Variants in ATXN7L1 observed in about 807,000 individuals in gnomAD.
The protein encoded by ATXN7L1 is ataxin 7 like 1.
Under a neutral mutation model 70.8 loss-of-function variants are expected in ATXN7L1, and 15 were observed. The ratio of observed to expected loss-of-function variants is 0.21; its 90% CI spans 0.14 to 0.33. ATXN7L1 has a LOEUF of 0.33. Ranked by LOEUF, ATXN7L1 falls within the 10% of genes least tolerant of loss-of-function variation. ATXN7L1 has a pLI of 1.00. For synonymous variants in ATXN7L1, 440 were observed against 445.1 expected, an observed-to-expected ratio of 0.99 and a Z score of 0.14; for missense variants, 975 against 1,097.1, an observed-to-expected ratio of 0.89 and a Z score of 1.57.
chr7:105,614,216 C>T lies in ATXN7L1; in HGVS notation c.2118G>A (p.Gly706=), dbSNP rs372626402. The change falls in exon 10 of 12, where the codon GGG becomes GGA. Residue 706 remains glycine, a synonymous_variant. Transcript: ENST00000419735. The surrounding 1 kb of genome is among the most constrained non-coding windows in gnomAD (Gnocchi z 4.3). ...CCAGTTTGGCACTGAGTGGGCTCAC[C>T]CCATTGTTTGAGTTGTGCACAGACA... ...NSLSVHNSNN[G]VSPLSAKLEP... The T allele has an allele frequency of 1.5e-5, 23 of 1,551,562 alleles. No individual in the cohort carries two copies. The highest frequency in any genetic ancestry group is 1.7e-4 in the Middle Eastern group (1 of 6,014).
intron 3 of ATXN7L1, among the ~76,000 whole-genome samples, chr7:105,669,334 G>C (rs943979746): frequency 2.0e-5 from 3 of 152,116 alleles, no homozygotes; most frequent in African/African-American, 7.2e-5. Flanking sequence ...CGCCTGCTGG[G>C]ATTACAGGTG....
Position 105,667,589 on chromosome 7 carries a change from C to T in ATXN7L1, c.356-2301G>A, listed in dbSNP as rs1802840845. 1.5e-5 allele frequency among the ~76,000 whole-genome samples: 2 copies of T among 130,190 alleles called. 1 individual carries two copies. Among genetic ancestry groups the T allele is most frequent in the Non-Finnish European group, 3.3e-5 (2 of 61,078 alleles). The allele number at this position is 130,190 out of a possible 152,430, so 85.4% of individuals were successfully genotyped here. A position where few individuals can be genotyped will look rare whatever the true frequency, so the allele number is the denominator to read the frequency against. On this transcript the variant is annotated intron_variant, in intron 3 of 11. Coordinates refer to ENST00000419735, the MANE Select transcript of ATXN7L1 (RefSeq NM_020725.2). ...TGGCGGGCGCCTGTAGTCCCAGCTA[C>T]TTGGGAGGCTGAGGCGGGAGAATGG... is the stretch of plus-strand genomic sequence containing the variant.
At position 105,614,316 on chromosome 7, in the gene ATXN7L1, G is replaced by A; in HGVS notation, c.2018C>T (p.Pro673Leu). The A allele has an allele frequency of 6.4e-7, 1 of 1,552,298 alleles. No homozygotes were observed. Residue 673 changes from proline to leucine, a missense_variant, in exon 10 of 12, where the codon CCT becomes CTT. By Grantham distance (98) the Pro-to-Leu change is moderately conservative (BLOSUM62 -3). Transcript: ENST00000419735. This position sits in a 1 kb window ranked among gnomAD's most constrained non-coding sequence, Gnocchi z 4.3. ...ATTCAAAACACAGTTCTTTTTGTGA[G>A]GCCCTGACAGTGGAGACGAGAGGGA... ...QTSLSSPLSGPHKKNCVLNAS... is the reference protein window; with the variant it reads ...QTSLSSPLSGLHKKNCVLNAS...
rs1630015 is a variant in ATXN7L1, at chr7:105,641,097, C to T, written c.863-1528G>A. 9.7e-3 allele frequency among the ~76,000 whole-genome samples: 1,468 copies of T among 151,956 alleles called. 18 individuals carry two copies. Among genetic ancestry groups the T allele is most frequent in the African/African-American group, 0.033 (1,380 of 41,422 alleles). ...TCATGGGGAGGTTGCAATGGTGTTA[C>T]TGATGATATGCACAAGAAAACTACT... On this transcript the variant is annotated intron_variant, in intron 5 of 11. Transcript: ENST00000419735.
chr7:105,747,498 G>A (rs1239536046), intron 3 of ATXN7L1, among the ~76,000 whole-genome samples: 2 of 152,218 alleles, frequency 1.3e-5, no homozygotes, highest in East Asian at 3.9e-4. Context: ...CAGTTTATTC[G>A]TATCCTTTAA....
intron 2 of ATXN7L1, among the ~76,000 whole-genome samples, chr7:105,863,176 C>T (rs376193878): frequency 8.5e-5 from 13 of 152,310 alleles, no homozygotes; most frequent in Non-Finnish European, 1.0e-4. Flanking sequence ...TCTAGATAGA[C>T]GCCCCTGGAG....
intron 3 of ATXN7L1, among the ~76,000 whole-genome samples, chr7:105,714,048 A>C (rs1283354507): frequency 6.6e-6 from 1 of 152,258 alleles, no homozygotes; most frequent in East Asian, 1.9e-4. Context: ...AGAACTATCC[A>C]TTTGAAATAC....
At chr7:105,834,478 G>C (rs1445306088) in intron 2 of ATXN7L1, among the ~76,000 whole-genome samples, 4 of 152,202 alleles carry the variant, frequency 2.6e-5, no homozygotes, top group Non-Finnish European at 5.9e-5. Flanking sequence ...ATCAACAACA[G>C]AGTAATGAAA....
At chr7:105,716,896 A>G (rs1004474653) in intron 3 of ATXN7L1, among the ~76,000 whole-genome samples, 1 of 152,070 alleles carries the variant, frequency 6.6e-6, no homozygotes, top group Non-Finnish European at 1.5e-5. Flanking sequence ...AGTAAATGAA[A>G]AAAAAAGAAA....
chr7:105,745,283 G>T (rs147835960), intron 3 of ATXN7L1, among the ~76,000 whole-genome samples: 1 of 152,062 alleles, frequency 6.6e-6, no homozygotes, highest in Admixed American at 6.5e-5. Flanking sequence ...CATATATATA[G>T]GGGAGGGGGT....
chr7:105,711,314 T>C (rs1299619654), intron 3 of ATXN7L1, among the ~76,000 whole-genome samples: 1 of 152,186 alleles, frequency 6.6e-6, no homozygotes, highest in East Asian at 1.9e-4. Context: ...CACTGCAAAA[T>C]ACAATTATCC....
In ATXN7L1 at chr7:105,778,524, A is replaced by AC. The variant is rs1482308831; in HGVS notation, c.355+10079_355+10080insG. 3.4e-4 allele frequency among the ~76,000 whole-genome samples: 47 copies of AC among 138,372 alleles called. 1 individual carries two copies. Among genetic ancestry groups the AC allele is most frequent in the African/African-American group, 1.3e-3 (45 of 33,392 alleles). 90.8% of individuals were successfully genotyped at this position (138,372 alleles called of 152,430 possible). ...AGACCCTATCTCAAAAAAAAAAAAAAAAAAAAAAAAACAAAGACTAAATAA... is the reference window on the plus strand; with the variant it reads ...AGACCCTATCTCAAAAAAAAAAAAAACAAAAAAAAAAACAAAGACTAAATAA... On this transcript the variant is annotated intron_variant, in intron 3 of 11. Coordinates refer to ENST00000419735, the MANE Select transcript of ATXN7L1 (RefSeq NM_020725.2).
At chr7:105,747,162 G>A (rs1456376037) in intron 3 of ATXN7L1, among the ~76,000 whole-genome samples, 1 of 152,184 alleles carries the variant, frequency 6.6e-6, no homozygotes, top group Admixed American at 6.5e-5. Flanking sequence ...GCTTCAGGAT[G>A]GGGGCTGTTC....
In ATXN7L1 at chr7:105,733,649, TCCATCCATCCATCCATCCA is replaced by T. The variant is rs1563049119; in HGVS notation, c.355+54936_355+54954del. Among the ~76,000 whole-genome samples, 46 of 94,350 alleles carry T rather than the reference TCCATCCATCCATCCATCCA, an allele frequency of 4.9e-4. 1 individual carries two copies. Among genetic ancestry groups the T allele is most frequent in the East Asian group, 7.5e-4 (2 of 2,668 alleles). 61.9% of individuals were successfully genotyped at this position (94,350 alleles called of 152,430 possible). ...ATCCATCCACCCATCCATCCATCCA[TCCATCCATCCATCCATCCA>T]TCCATCCATCCACCCATCCACCCAT... is the stretch of plus-strand genomic sequence containing the variant. On this transcript the variant is annotated intron_variant, in intron 3 of 11. Transcript: ENST00000419735.
rs1477722776 is a variant in ATXN7L1, at chr7:105,620,334, A to G, written c.1396-13T>C. ...CAAATGAGCAAAACTGTGAGGAAAA[A>G]AAAATTTTAATTTTGATTACAGGTT... On this transcript the variant is annotated splice_polypyrimidine_tract_variant and intron_variant, in intron 8 of 11. Coordinates refer to ENST00000419735, the MANE Select transcript of ATXN7L1 (RefSeq NM_020725.2). 6.5e-7 allele frequency: 1 copy of G among 1,536,970 alleles called. No homozygotes were observed.
intron 3 of ATXN7L1, among the ~76,000 whole-genome samples, chr7:105,706,116 C>G (rs1390656351): frequency 1.3e-5 from 2 of 152,316 alleles, no homozygotes; most frequent in East Asian, 3.9e-4. Flanking sequence ...GCTAGCTAAA[C>G]TGAATTATTT....
chr7:105,721,562 G>A (rs1186990515), intron 3 of ATXN7L1, among the ~76,000 whole-genome samples: 2 of 152,238 alleles, frequency 1.3e-5, no homozygotes, highest in African/African-American at 2.4e-5. Context: ...CACATGGGAA[G>A]TAGTCTCCTC....
chr7:105,793,116 A>AAAAT (rs1346812316), intron 2 of ATXN7L1, among the ~76,000 whole-genome samples: 1 of 152,244 alleles, frequency 6.6e-6, no homozygotes, highest in African/African-American at 2.4e-5. Flanking sequence ...CTTCTTACGT[A>AAAAT]GAACAACATC....
chr7:105,834,155 G>A (rs570793388), intron 2 of ATXN7L1, among the ~76,000 whole-genome samples: 2 of 152,272 alleles, frequency 1.3e-5, no homozygotes, highest in Non-Finnish European at 2.9e-5. Flanking sequence ...CAATTCTCCT[G>A]CCTCAGCCTC....
Sources: allele counts gnomAD v4.1 joint callset (sites outside exome capture counted in the v4.1 genomes callset), GRCh38; gene constraint gnomAD v4.1.1; non-coding constraint Gnocchi (gnomAD v3.1); transcripts MANE v1.5; gene names NCBI Gene and HGNC (gene_info 2026-07-23, HGNC 2026-07-21).